The following STARD3NL variants were observed in gnomAD, a reference collection of about 807,000 sequenced individuals.
STARD3NL encodes STARD3 N-terminal like, also known as STARD3 N-terminal-like protein.
A neutral mutation model predicts 30.9 loss-of-function variants in STARD3NL; 17 were observed. The ratio of observed to expected loss-of-function variants is 0.55; its 90% CI spans 0.38 to 0.82. The LOEUF (loss-of-function observed/expected upper bound fraction) is 0.82, where lower values mean the gene tolerates loss of function less well. Among genes scored for constraint, STARD3NL ranks in the 40% least tolerant of loss-of-function variants. The pLI is 0.00. For missense variants in STARD3NL, 234 were observed against 277.6 expected, an observed-to-expected ratio of 0.84 and a Z score of 1.12; for synonymous variants, 112 against 100.5, an observed-to-expected ratio of 1.11 and a Z score of -0.69.
At chr7:38,228,719 T>A in intron 7 of STARD3NL, 80 bp from the exon 8 acceptor site, 1 of 1,236,116 alleles carries the variant, frequency 8.1e-7, no homozygotes, top group Admixed American at 1.9e-5. Context: ...ATGTTATAAT[T>A]TTAAACCTAT....
intron 6 of STARD3NL, among the ~76,000 whole-genome samples, chr7:38,218,779 G>A (rs1786273264): frequency 6.6e-6 from 1 of 152,166 alleles, no homozygotes; most frequent in Non-Finnish European, 1.5e-5. Context: ...TTCCTCAGCT[G>A]TCCACGTCCT....
At chr7:38,185,089 T>A (rs1784407151) in intron 1 of STARD3NL, among the ~76,000 whole-genome samples, 1 of 152,100 alleles carries the variant, frequency 6.6e-6, no homozygotes, top group African/African-American at 2.4e-5. Context: ...GAATTGAGTC[T>A]TGTGATTAGT....
intron 1 of STARD3NL, among the ~76,000 whole-genome samples, chr7:38,206,747 C>G (rs562768846): frequency 1.3e-5 from 2 of 152,160 alleles, no homozygotes; most frequent in African/African-American, 4.8e-5. Flanking sequence ...GAAATTCCTC[C>G]TCAGGAAGTA....
chr7:38,200,360 T>C (rs149048169), intron 1 of STARD3NL, among the ~76,000 whole-genome samples: 195 of 152,302 alleles, frequency 1.3e-3, no homozygotes, highest in African/African-American at 4.6e-3. Context: ...GTGAAGAAGC[T>C]AGTGCAGTGC....
At chr7:38,229,244 T>C (rs565391852) in intron 8 of STARD3NL, among the ~76,000 whole-genome samples, 21 of 152,348 alleles carry the variant, frequency 1.4e-4, no homozygotes, top group Non-Finnish European at 2.9e-4. Flanking sequence ...CCATTTTACA[T>C]TTGAAGCAGC....
intron 2 of STARD3NL, among the ~76,000 whole-genome samples, chr7:38,210,307 A>C (rs564587910): frequency 5.1e-4 from 78 of 152,362 alleles, no homozygotes; most frequent in Non-Finnish European, 9.3e-4. Context: ...CTTTAAAAGA[A>C]GAAAGAAAAT....
At position 38,217,265 on chromosome 7, in the gene STARD3NL, G is replaced by C. The variant is rs927780189; in HGVS notation, c.513G>C (p.Leu171=). 6.2e-7 allele frequency: 1 copy of C among 1,613,974 alleles called. No homozygotes were observed. The highest frequency in any genetic ancestry group is 1.3e-5 in the African/African-American group (1 of 74,990). The change falls in exon 6 of 9, where the codon CTG becomes CTC. Residue 171 remains leucine, a synonymous_variant. Coordinates refer to ENST00000009041, the MANE Select transcript of STARD3NL (RefSeq NM_032016.4). The part of the protein sequence containing the change: ...FILAWIETWF[L]DFKVLPQEAE... ...TTGCCTGGATTGAGACGTGGTTCCT[G>C]GATTTCAAAGTGTTACCTCAAGAAG...
At chr7:38,195,686 A>AAT (rs1401831663) in intron 1 of STARD3NL, among the ~76,000 whole-genome samples, 1 of 152,170 alleles carries the variant, frequency 6.6e-6, no homozygotes, top group Non-Finnish European at 1.5e-5. Context: ...ATACTGGGGG[A>AAT]ATATCTGAGT....
intron 1 of STARD3NL, among the ~76,000 whole-genome samples, chr7:38,179,579 T>G (rs894958693): frequency 6.6e-6 from 1 of 152,258 alleles, no homozygotes; most frequent in Non-Finnish European, 1.5e-5. Context: ...TGAGTGATTG[T>G]CTATGCCACT....
chr7:38,188,612 A>T (rs886919395), intron 1 of STARD3NL, among the ~76,000 whole-genome samples: 6 of 152,226 alleles, frequency 3.9e-5, no homozygotes, highest in African/African-American at 1.2e-4. Flanking sequence ...TAGATGTGGT[A>T]TATTCTTGGC....
intron 1 of STARD3NL, among the ~76,000 whole-genome samples, chr7:38,191,203 A>G (rs1229005551): frequency 6.6e-6 from 1 of 152,102 alleles, no homozygotes; most frequent in Non-Finnish European, 1.5e-5. Context: ...TGATTTTTCT[A>G]ATTTTATTAT....
At chr7:38,202,639 A>C (rs1323541137) in intron 1 of STARD3NL, among the ~76,000 whole-genome samples, 2 of 151,926 alleles carry the variant, frequency 1.3e-5, no homozygotes, top group African/African-American at 4.8e-5. Flanking sequence ...TTAGTTACAT[A>C]TGTATACATG....
At chr7:38,184,976 A>AC (rs1489148713) in intron 1 of STARD3NL, among the ~76,000 whole-genome samples, 2 of 151,880 alleles carry the variant, frequency 1.3e-5, no homozygotes, top group Non-Finnish European at 2.9e-5. Context: ...AAGAGATCCT[A>AC]CTACTTTTGT....
At chr7:38,229,117 G>A (rs2191313) in intron 8 of STARD3NL, among the ~76,000 whole-genome samples, 32,857 of 152,224 alleles carry the variant, frequency 0.22, 3,960 homozygotes, top group Admixed American at 0.33. Flanking sequence ...ATGAATTTAT[G>A]TTAATTTACT....
At chr7:38,180,787 A>T (rs1784214601) in intron 1 of STARD3NL, among the ~76,000 whole-genome samples, 1 of 152,200 alleles carries the variant, frequency 6.6e-6, no homozygotes, top group African/African-American at 2.4e-5. Flanking sequence ...CATTTTAGAG[A>T]TCACATGATT....
intron 2 of STARD3NL, among the ~76,000 whole-genome samples, chr7:38,209,216 A>G (rs1176625877): frequency 1.3e-5 from 2 of 152,208 alleles, no homozygotes. Flanking sequence ...TAATTAATGT[A>G]TATTTTAAAG....
rs562307336 is a variant in STARD3NL, at chr7:38,224,383, G to A, written c.650-4416G>A. Among the ~76,000 whole-genome samples, 3 of 152,290 alleles carry A rather than the reference G, an allele frequency of 2.0e-5. No homozygotes were observed. The East Asian group carries it at 5.8e-4, about 29-fold the overall frequency. ...TAACTTTTTTTAAAATTGTCAAACTGTTCTTGATCGTGGCTGTTTTATTTT... is the reference window on the plus strand; with the variant it reads ...TAACTTTTTTTAAAATTGTCAAACTATTCTTGATCGTGGCTGTTTTATTTT... On this transcript the variant is annotated intron_variant, in intron 7 of 8. Coordinates refer to ENST00000009041, the MANE Select transcript of STARD3NL (RefSeq NM_032016.4).
intron 1 of STARD3NL, chr7:38,198,505 G>A (rs1297845857): frequency 1.3e-5 from 2 of 152,218 alleles, no homozygotes; most frequent in Admixed American, 6.5e-5. Flanking sequence ...AAGAAAACAT[G>A]TCTCTAAGCC....
At chr7:38,211,674 C>T (rs1404149171) in intron 2 of STARD3NL, among the ~76,000 whole-genome samples, 1 of 152,144 alleles carries the variant, frequency 6.6e-6, no homozygotes, top group African/African-American at 2.4e-5. Context: ...TTGAGATTTT[C>T]CAGAAGTCAG....
Sources: gnomAD v4.1 joint callset for allele counts (sites outside exome capture counted in the v4.1 genomes callset) on GRCh38, gnomAD v4.1.1 for gene constraint, MANE v1.5 for transcripts, NCBI Gene and HGNC (gene_info 2026-07-23, HGNC 2026-07-21) for gene names.